TBC1D25: variants seen among roughly 807,000 people sequenced by gnomAD.
The protein encoded by TBC1D25 is 5SN3 snoRNA.
TBC1D25 carries 13 observed loss-of-function variants against 38.8 expected under a neutral mutation model. That is an observed-to-expected ratio of 0.34 (90% confidence interval 0.22 to 0.53). The LOEUF is 0.53. Among genes scored for constraint, TBC1D25 ranks in the 20% least tolerant of loss-of-function variants. TBC1D25 has a pLI of 0.94. For missense variants in TBC1D25, 372 were observed against 600.0 expected, an observed-to-expected ratio of 0.62 and a Z score of 3.97; for synonymous variants, 225 against 255.6, an observed-to-expected ratio of 0.88 and a Z score of 1.14.
chrX:48,540,273 A>G (rs2061828360), intron 1 of TBC1D25, among the ~76,000 whole-genome samples: 1 of 111,645 alleles, frequency 9.0e-6, no homozygotes, highest in Non-Finnish European at 1.9e-5. Flanking sequence ...CAGTCAACCC[A>G]TGTGTTGAGA....
At position 48,541,357 on chromosome X, in the gene TBC1D25, G is replaced by A. The variant is rs1556980207; in HGVS notation, c.148G>A (p.Glu50Lys). 1 of 1,211,866 alleles carries A rather than the reference G, an allele frequency of 8.3e-7. No individual in the cohort carries two copies. Among genetic ancestry groups the A allele is most frequent in the Admixed American group, 2.2e-5 (1 of 46,036 alleles). ...GAAATGTGAGAGCTTCTTGCCGCCA[G>A]AGTTCCGCTCTTTTGCTGTAGATCC... ...VKKCESFLPP[E>K]FRSFAVDPQI... The change falls in exon 2 of 6, where the codon GAG becomes AAG. Residue 50 changes from glutamate (E) to lysine (K), a missense_variant. By Grantham distance (56) the Glu-to-Lys change is moderately conservative. Transcript: ENST00000376771.
chrX:48,555,340 C>CT (rs2061966836), intron 3 of TBC1D25, among the ~76,000 whole-genome samples: 1 of 111,462 alleles, frequency 9.0e-6, no homozygotes, highest in South Asian at 3.7e-4. Flanking sequence ...TGTTCCCCCC[C>CT]TCAGCTCTAT....
At position 48,543,815 on chromosome X, in the gene TBC1D25, C is replaced by T. The variant is rs782623481; in HGVS notation, c.234-1054C>T. 4.2e-4 allele frequency among the ~76,000 whole-genome samples: 43 copies of T among 102,546 alleles called. No homozygotes were observed. The South Asian group carries it at 0.015, about 37-fold the overall frequency. The allele number at this position is 102,546 out of a possible 115,157, so 89.0% of individuals were successfully genotyped here. A position where few individuals can be genotyped will look rare whatever the true frequency, so the allele number is the denominator to read the frequency against. ...AGGAGAATGGCATGGGCCCGGGAGG[C>T]GGAGCTTGCAGCGAGCCGAGATCGC... On this transcript the variant is annotated intron_variant, in intron 2 of 5. Coordinates refer to ENST00000376771, the MANE Select transcript of TBC1D25 (RefSeq NM_002536.4).
At chrX:48,539,962 A>G (rs1276633380) in intron 1 of TBC1D25, 42 bp downstream of exon 1, 5 of 941,957 alleles carry the variant, frequency 5.3e-6, no homozygotes, top group Admixed American at 5.9e-5. Context: ...GAGGCATCCC[A>G]GGGGAGGGGG....
Position 48,561,177 on chromosome X carries a change from T to C in TBC1D25, c.*202T>C, listed in dbSNP as rs1039204191. ...GCCACGCCTATTTATTCTGTTTCTGTTGTTTTGTTTTTAACAACTATACTT... is the reference window on the plus strand; with the variant it reads ...GCCACGCCTATTTATTCTGTTTCTGCTGTTTTGTTTTTAACAACTATACTT... On this transcript the variant is annotated 3_prime_UTR_variant, in exon 6 of 6. Transcript: ENST00000376771. The C allele has an allele frequency of 1.8e-5, 8 of 433,702 alleles. No individual in the cohort carries two copies. The highest frequency in any genetic ancestry group is 5.1e-5 in the South Asian group (1 of 19,695). 35.7% of individuals were successfully genotyped at this position (433,702 alleles called of 1,213,427 possible).
In TBC1D25 at chrX:48,551,317, T is replaced by C. The variant is rs142842764; in HGVS notation, c.388+6294T>C. Among the ~76,000 whole-genome samples, 201 of 100,929 alleles carry C rather than the reference T, an allele frequency of 2.0e-3. 1 individual carries two copies. Among genetic ancestry groups the C allele is most frequent in the African/African-American group, 8.5e-3 (190 of 22,434 alleles). 87.6% of individuals were successfully genotyped at this position (100,929 alleles called of 115,157 possible). On this transcript the variant is annotated intron_variant, in intron 3 of 5. Coordinates refer to ENST00000376771, the MANE Select transcript of TBC1D25 (RefSeq NM_002536.4). ...GGTGAGTTTGTGTTTGTAGACATTC[T>C]TTGCCTGTTTTTTGTTTGTTTGTTT... is the stretch of plus-strand genomic sequence containing the variant.
chrX:48,559,499 A>T, intron 5 of TBC1D25, 115 bp from the exon 6 acceptor site: 1 of 1,082,058 alleles, frequency 9.2e-7, no homozygotes, highest in East Asian at 3.2e-5. Context: ...TCGGAGGCCT[A>T]GCAGACTTAG....
intron 3 of TBC1D25, among the ~76,000 whole-genome samples, chrX:48,546,772 C>T (rs1201765978): frequency 3.6e-5 from 4 of 111,480 alleles, no homozygotes; most frequent in Non-Finnish European, 5.7e-5. Flanking sequence ...ATGATGTCTG[C>T]AAATAAGTTG....
At chrX:48,541,653 G>T in intron 2 of TBC1D25, 1 of 444,700 alleles carries the variant, frequency 2.2e-6, no homozygotes, top group South Asian at 3.2e-5. Context: ...ACCTCAGTCT[G>T]CAAATATTAC....
At chrX:48,551,953 G>GT (rs1364894541) in intron 3 of TBC1D25, among the ~76,000 whole-genome samples, 5 of 111,079 alleles carry the variant, frequency 4.5e-5, no homozygotes, top group African/African-American at 1.6e-4. Context: ...TGAGGGGGTG[G>GT]TTTTTTTAAT....
At chrX:48,549,992 AT>A (rs80320486) in intron 3 of TBC1D25, among the ~76,000 whole-genome samples, 258 of 106,325 alleles carry the variant, frequency 2.4e-3, no homozygotes, top group African/African-American at 7.9e-3. Flanking sequence ...TTTTAATTTA[AT>A]TTTTTTTTTT....
chrX:48,552,097 TTG>T (rs1186568400), intron 3 of TBC1D25, among the ~76,000 whole-genome samples: 1 of 112,221 alleles, frequency 8.9e-6, no homozygotes, highest in African/African-American at 3.2e-5. Flanking sequence ...TTTAACCTTT[TTG>T]TGTCACCTAG....
intron 3 of TBC1D25, among the ~76,000 whole-genome samples, chrX:48,549,588 G>A (rs541732907): frequency 8.0e-5 from 9 of 112,388 alleles, no homozygotes; most frequent in African/African-American, 2.3e-4. Context: ...TGCAACCTCC[G>A]CCTCCTGGGT....
intron 2 of TBC1D25, among the ~76,000 whole-genome samples, chrX:48,542,540 T>G (rs2061849330): frequency 9.9e-6 from 1 of 100,955 alleles, no homozygotes; most frequent in Non-Finnish European, 2.0e-5. Flanking sequence ...TAGGTTGGAG[T>G]GCAGTGGTCC....
intron 3 of TBC1D25, among the ~76,000 whole-genome samples, chrX:48,552,292 T>G (rs1304877978): frequency 9.1e-6 from 1 of 109,553 alleles, no homozygotes; most frequent in African/African-American, 3.3e-5. Context: ...GTTCAAGCAA[T>G]TCTCCTCCCT....
chrX:48,545,052 G>T, intron 3 of TBC1D25, 29 bp downstream of exon 3: 2 of 1,205,632 alleles, frequency 1.7e-6, no homozygotes, highest in Non-Finnish European at 2.2e-6. Flanking sequence ...CAGGAGCACT[G>T]CTCTGGAACC....
rs1351517747 is a variant in TBC1D25, at chrX:48,559,293, G to A, written c.652G>A (p.Glu218Lys). 4.1e-6 allele frequency: 5 copies of A among 1,208,909 alleles called. No homozygotes were observed. Among genetic ancestry groups the A allele is most frequent in the Non-Finnish European group, 5.6e-6 (5 of 894,833 alleles). The change falls in exon 5 of 6, where the codon GAG becomes AAG. Residue 218 changes from glutamate to lysine, a missense_variant. By Grantham distance (56) the Glu-to-Lys change is moderately conservative (BLOSUM62 1). Around this residue, in one of 2 missense-constraint regions of TBC1D25, gnomAD observed 312 missense variants for 549.3 expected, o/e 0.57. Coordinates refer to ENST00000376771, the MANE Select transcript of TBC1D25 (RefSeq NM_002536.4). ...CCACGAGGGCCAGCTCTCCCGACCC[G>A]AGGAGTTGCGCCTGCGGATCTATCA... ...LNHEGQLSRP[E>K]ELRLRIYHGG...
At chrX:48,546,489 G>A (rs1329147664) in intron 3 of TBC1D25, among the ~76,000 whole-genome samples, 1 of 110,903 alleles carries the variant, frequency 9.0e-6, no homozygotes, top group Non-Finnish European at 1.9e-5. Flanking sequence ...CTCCAGCCTG[G>A]GCAACAGAGC....
Position 48,555,852 on chromosome X carries a change from G to A in TBC1D25, c.389-3045G>A, listed in dbSNP as rs781840403. Among the ~76,000 whole-genome samples the A allele has an allele frequency of 2.7e-5, 3 of 109,929 alleles. No individual in the cohort carries two copies. In the East Asian group the frequency reaches 8.6e-4, roughly 31 times the overall value. On this transcript the variant is annotated intron_variant, in intron 3 of 5. Coordinates refer to ENST00000376771, the MANE Select transcript of TBC1D25 (RefSeq NM_002536.4). ...GGTACTGTGCCTGGATGTGCATGTA[G>A]GCTAGATTTATGTTTCACTTTACAC...
Sources: allele counts gnomAD v4.1 joint callset (sites outside exome capture counted in the v4.1 genomes callset), GRCh38; gene constraint gnomAD v4.1.1; regional missense constraint gnomAD v4.1.1; transcripts MANE v1.5; gene names NCBI Gene and HGNC (gene_info 2026-07-23, HGNC 2026-07-21).